CERS5: variants seen among roughly 807,000 people sequenced by gnomAD.
CERS5 encodes LAG1 homolog, ceramide synthase 5.
Under a neutral mutation model 58.9 loss-of-function variants are expected in CERS5, and 37 were observed. The ratio of observed to expected loss-of-function variants is 0.63; its 90% CI spans 0.48 to 0.83. CERS5 has a LOEUF of 0.83. Ranked by LOEUF, CERS5 falls within the 40% of genes least tolerant of loss-of-function variation. The pLI is 0.00. For synonymous variants in CERS5, 147 were observed against 177.8 expected (o/e 0.83, Z 1.38); for missense variants, 398 against 489.3 (o/e 0.81, Z 1.76).
chr12:50,149,283 T>C (rs992235956), intron 1 of CERS5, among the ~76,000 whole-genome samples: 2 of 152,096 alleles, frequency 1.3e-5, no homozygotes, highest in Admixed American at 1.3e-4. Context: ...CATTTAGTGG[T>C]CTATAAAAAG....
chr12:50,166,839 C>T (rs964384679), intron 1 of CERS5, among the ~76,000 whole-genome samples: 1 of 152,192 alleles, frequency 6.6e-6, no homozygotes, highest in African/African-American at 2.4e-5. Context: ...ATGACCCCCC[C>T]AATCCAACTC....
chr12:50,160,826 C>G (rs75912047), intron 1 of CERS5, among the ~76,000 whole-genome samples: 1 of 152,128 alleles, frequency 6.6e-6, no homozygotes, highest in Non-Finnish European at 1.5e-5. Flanking sequence ...TTCAAAGAAG[C>G]AACAAGTGGA....
At chr12:50,143,310 G>A in intron 2 of CERS5, 106 bp from the exon 3 acceptor site, 1 of 1,337,708 alleles carries the variant, frequency 7.5e-7, no homozygotes, top group Non-Finnish European at 1.0e-6. Context: ...TGGCTCAAGT[G>A]ATGTTTATCT....
In CERS5 at chr12:50,130,604, T is replaced by C. The variant is rs1185780995; in HGVS notation, c.1120A>G (p.Ser374Gly). Residue 374 changes from serine (S) to glycine (G), a missense_variant, in exon 10 of 10, where the codon AGC (serine) becomes GGC (glycine). By Grantham distance (56) the Ser-to-Gly change is moderately conservative (BLOSUM62 0). Coordinates refer to ENST00000317551, the MANE Select transcript of CERS5 (RefSeq NM_147190.5). ...CCATTCACCCGATTGGCACCATTGC[T>C]GGAGCTACTGTCACAGGGACTTTTT... ...CTKSPCDSSSSNGANRVNGHM... is the reference protein window; with the variant it reads ...CTKSPCDSSSGNGANRVNGHM... The C allele has an allele frequency of 6.2e-7, 1 of 1,613,182 alleles. No homozygotes were observed. The highest frequency in any genetic ancestry group is 1.1e-5 in the South Asian group (1 of 91,042).
At chr12:50,166,248 G>C (rs1163112900) in intron 1 of CERS5, 1 of 170,146 alleles carries the variant, frequency 5.9e-6, no homozygotes, top group African/African-American at 2.4e-5. Context: ...GCTTCAACAG[G>C]GGAGGCGGAG....
chr12:50,143,882 C>T (rs1180396242), intron 2 of CERS5, 70 bp downstream of exon 2: 1 of 941,480 alleles, frequency 1.1e-6, no homozygotes, highest in Non-Finnish European at 1.7e-6. Context: ...GGTACGTGCT[C>T]TCTATCCTCC....
chr12:50,142,065 T>C lies in CERS5; in HGVS notation c.480A>G (p.Arg160=), dbSNP rs1952001603. Residue 160 remains arginine, a synonymous_variant, in exon 4 of 10, where the codon AGA becomes AGG. Coordinates refer to ENST00000317551, the MANE Select transcript of CERS5 (RefSeq NM_147190.5). ...AGTTAAGACTCACCGACCAGAGAAA[T>C]CTAATTCCATAGCAGAATATACATA... is the stretch of plus-strand genomic sequence containing the variant. ...FYLCIFCYGI[R]FLWSSPWFWD... is the part of the protein sequence containing the mutation. 4.4e-6 allele frequency: 7 copies of C among 1,599,698 alleles called. No homozygotes were observed. Among genetic ancestry groups the C allele is most frequent in the Non-Finnish European group, 5.1e-6 (6 of 1,168,330 alleles).
At chr12:50,148,544 C>A in intron 1 of CERS5, 1 of 350,714 alleles carries the variant, frequency 2.9e-6, no homozygotes, top group Non-Finnish European at 5.9e-6. Flanking sequence ...TTGCAGTGAG[C>A]TGAGATCTCA....
rs2137965033 is a variant in CERS5, at chr12:50,129,831, T to C, written c.*714A>G. 1 of 145,534 alleles carries C rather than the reference T, an allele frequency of 6.9e-6. No homozygotes were observed. The highest frequency in any genetic ancestry group is 2.1e-4 in the East Asian group (1 of 4,732). 9.0% of individuals were successfully genotyped at this position (145,534 alleles called of 1,614,324 possible). ...AGCACTTTTAATCACAAACAAACAA[T>C]AGTATAAGACCGTGAACAGCTCACC... is the stretch of plus-strand genomic sequence containing the variant. On this transcript the variant is annotated 3_prime_UTR_variant, in exon 10 of 10. Transcript: ENST00000317551.
chr12:50,131,069 A>T (rs1372714607), intron 9 of CERS5, among the ~76,000 whole-genome samples: 1 of 152,206 alleles, frequency 6.6e-6, no homozygotes, highest in Non-Finnish European at 1.5e-5. Flanking sequence ...GACTGTCAGC[A>T]ATGCTTCTAT....
At chr12:50,135,151 G>A (rs1311313374) in intron 8 of CERS5, among the ~76,000 whole-genome samples, 3 of 85,456 alleles carry the variant, frequency 3.5e-5, no homozygotes, top group Non-Finnish European at 7.6e-5. Context: ...GAGAGAGGAG[G>A]GAGGGAGAGA....
intron 1 of CERS5, among the ~76,000 whole-genome samples, chr12:50,152,245 T>C (rs1938047715): frequency 6.6e-6 from 1 of 152,192 alleles, no homozygotes; most frequent in South Asian, 2.1e-4. Context: ...TTTGCAGTGA[T>C]TGTGCAAATC....
At chr12:50,134,071 GA>G (rs57888855) in intron 9 of CERS5, 2,854 of 79,608 alleles carry the variant, frequency 0.036, 45 homozygotes, top group Middle Eastern at 0.048. Context: ...GATTCCATCT[GA>G]AAAAAAAAAA....
At chr12:50,134,811 T>C in intron 8 of CERS5, 109 bp from the exon 9 acceptor site, 1 of 1,006,436 alleles carries the variant, frequency 9.9e-7, no homozygotes, top group East Asian at 2.4e-5. Context: ...CCAGCCCTTT[T>C]ATCAGCTGAA....
intron 1 of CERS5, among the ~76,000 whole-genome samples, chr12:50,162,296 G>A (rs1343901845): frequency 6.6e-6 from 1 of 151,506 alleles, no homozygotes; most frequent in African/African-American, 2.4e-5. Flanking sequence ...CACTTGAAAG[G>A]GGGTTTAAGG....
chr12:50,147,852 A>G (rs1222046824), intron 1 of CERS5, among the ~76,000 whole-genome samples: 1 of 152,078 alleles, frequency 6.6e-6, no homozygotes, highest in Non-Finnish European at 1.5e-5. Flanking sequence ...ATCACTGCTC[A>G]CTGCAGCCTT....
chr12:50,163,644 T>A (rs1320921104), intron 1 of CERS5, among the ~76,000 whole-genome samples: 4 of 151,954 alleles, frequency 2.6e-5, no homozygotes, highest in African/African-American at 9.7e-5. Flanking sequence ...TCTACAAAAA[T>A]TTATTTTATT....
intron 1 of CERS5, among the ~76,000 whole-genome samples, chr12:50,146,202 A>T (rs546687946): frequency 6.6e-6 from 1 of 152,206 alleles, no homozygotes; most frequent in Non-Finnish European, 1.5e-5. Context: ...AATGGAGATA[A>T]TATCTACCTC....
chr12:50,153,423 G>A (rs983998586), intron 1 of CERS5, among the ~76,000 whole-genome samples: 3 of 151,550 alleles, frequency 2.0e-5, no homozygotes, highest in African/African-American at 7.2e-5. Flanking sequence ...GGGACTAGAG[G>A]CATGCACCAC....
Sources: allele counts gnomAD v4.1 joint callset (sites outside exome capture counted in the v4.1 genomes callset), GRCh38; gene constraint gnomAD v4.1.1; transcripts MANE v1.5; gene names NCBI Gene and HGNC (gene_info 2026-07-23, HGNC 2026-07-21).